The following PLEKHH2 variants were observed in gnomAD, a reference collection of about 807,000 sequenced individuals.
PLEKHH2 encodes pleckstrin homology, MyTH4 and FERM domain containing H2, also known as pleckstrin homology domain-containing family H member 2.
Under a neutral mutation model 187.9 loss-of-function variants are expected in PLEKHH2, and 129 were observed. That is an observed-to-expected ratio of 0.69 (90% CI 0.59 to 0.79). PLEKHH2 has a LOEUF of 0.79. PLEKHH2 is among the 30% of genes least tolerant of loss of function. The pLI is 0.00. For missense variants in PLEKHH2, 2,076 were observed against 1,751.2 expected (o/e 1.19, Z -3.31); for synonymous variants, 686 against 605.6 (o/e 1.13, Z -1.95).
At chr2:43,763,254 C>A (rs1220269129) in intron 28 of PLEKHH2, among the ~76,000 whole-genome samples, 1 of 152,168 alleles carries the variant, frequency 6.6e-6, no homozygotes, top group Non-Finnish European at 1.5e-5. Flanking sequence ...AGAAAACTAG[C>A]TCCCTAGCTC....
chr2:43,684,680 G>T (rs1389700368), intron 3 of PLEKHH2, among the ~76,000 whole-genome samples: 1 of 152,218 alleles, frequency 6.6e-6, no homozygotes, highest in Admixed American at 6.5e-5. Flanking sequence ...GTCTTGGTAA[G>T]TTTGACAGGA....
At chr2:43,638,517 C>T (rs963423566) in intron 1 of PLEKHH2, among the ~76,000 whole-genome samples, 1 of 152,154 alleles carries the variant, frequency 6.6e-6, no homozygotes, top group African/African-American at 2.4e-5. Context: ...TCAGTAAATA[C>T]TTCCAAAAAT....
chr2:43,682,185 C>G (rs1032480640), intron 3 of PLEKHH2, among the ~76,000 whole-genome samples: 1 of 152,182 alleles, frequency 6.6e-6, no homozygotes, highest in African/African-American at 2.4e-5. Flanking sequence ...ACCATCATCA[C>G]ACCAAAAAAT....
chr2:43,700,478 G>A lies in PLEKHH2; in HGVS notation c.1520G>A (p.Cys507Tyr), dbSNP rs766726189. 1 of 1,614,082 alleles carries A rather than the reference G, an allele frequency of 6.2e-7. No individual in the cohort carries two copies. The highest frequency in any genetic ancestry group is 1.7e-5 in the Admixed American group (1 of 60,010). Residue 507 changes from cysteine (C) to tyrosine (Y), a missense_variant, in exon 8 of 30, where the codon TGT (cysteine) becomes TAT (tyrosine). Coordinates refer to ENST00000282406, the MANE Select transcript of PLEKHH2 (RefSeq NM_172069.4). The part of the protein sequence containing the change: ...TEVLENMDTS[C>Y]DDGLFSYDSL... Reference sequence around the variant, plus strand: ...GTTTTAGAGAATATGGACACGAGTTGTGATGATGGATTATTTTCCTATGAC... The same window carrying A: ...GTTTTAGAGAATATGGACACGAGTTATGATGATGGATTATTTTCCTATGAC...
intron 9 of PLEKHH2, among the ~76,000 whole-genome samples, chr2:43,704,759 G>C (rs1282433394): frequency 6.7e-6 from 1 of 149,086 alleles, no homozygotes; most frequent in African/African-American, 2.5e-5. Flanking sequence ...GATTTGCATT[G>C]CTATTTCATT....
rs1038059620 is a variant in PLEKHH2, at chr2:43,740,872, C to T, written c.3124-74C>T. 31 of 1,567,332 alleles carry T rather than the reference C, an allele frequency of 2.0e-5. No homozygotes were observed. The South Asian group carries it at 3.2e-4, about 16-fold the overall frequency. On this transcript the variant is annotated intron_variant, in intron 20 of 29. Coordinates refer to ENST00000282406, the MANE Select transcript of PLEKHH2 (RefSeq NM_172069.4). ...TTGGGTTAAGAGAGACTGTCATCAG[C>T]CCATTGCACTCACTCAGATGTGGAT...
At chr2:43,745,993 TATGA>T (rs1671764506) in intron 24 of PLEKHH2, 30 bp downstream of exon 24, 1 of 1,447,302 alleles carries the variant, frequency 6.9e-7, no homozygotes, top group Admixed American at 1.8e-5. Context: ...GATGCCAAAG[TATGA>T]GTATACAATA....
At chr2:43,642,152 G>A (rs932882247) in intron 1 of PLEKHH2, among the ~76,000 whole-genome samples, 1 of 152,060 alleles carries the variant, frequency 6.6e-6, no homozygotes, top group African/African-American at 2.4e-5. Flanking sequence ...ATTTCTTTCA[G>A]TGATGTTTTG....
chr2:43,746,094 ACT>A, intron 24 of PLEKHH2, 131 bp downstream of exon 24: 1 of 531,620 alleles, frequency 1.9e-6, no homozygotes, highest in Non-Finnish European at 3.0e-6. Context: ...ATAAATGATA[ACT>A]CTGTTTCTAT....
rs1005007776 is a variant in PLEKHH2, at chr2:43,678,919, T to C, written c.180T>C (p.Phe60=). The C allele has an allele frequency of 1.2e-6, 2 of 1,608,240 alleles. No individual in the cohort carries two copies. The highest frequency in any genetic ancestry group is 4.5e-5 in the East Asian group (2 of 44,794). Residue 60 remains phenylalanine (F), a synonymous_variant, in exon 3 of 30, where the codon TTT becomes TTC. Coordinates refer to ENST00000282406, the MANE Select transcript of PLEKHH2 (RefSeq NM_172069.4). ...CTGAACGTCAAGCAGAAAAAGCTTT[T>C]CAACAGGTAGAGTATAATTTTACTT... ...IDAERQAEKA[F]QQVQVMEDKL...
Position 43,738,560 on chromosome 2 carries a change from TG to T in PLEKHH2, c.3123+41del. 2 of 1,504,042 alleles carry T rather than the reference TG, an allele frequency of 1.3e-6. 1 individual carries two copies. Among genetic ancestry groups the T allele is most frequent in the South Asian group, 2.6e-5 (2 of 76,612 alleles). 93.2% of individuals were successfully genotyped at this position (1,504,042 alleles called of 1,614,324 possible). ...TGATACATATACATGCAATTTAAAG[TG>T]TTTTTTTTTCTGATTGTAAGAATGA... On this transcript the variant is annotated intron_variant, in intron 20 of 29. Transcript: ENST00000282406.
intron 25 of PLEKHH2, among the ~76,000 whole-genome samples, chr2:43,754,262 G>A (rs1049148448): frequency 2.6e-5 from 4 of 151,888 alleles, no homozygotes; most frequent in Non-Finnish European, 4.4e-5. Flanking sequence ...CATAGAGAGC[G>A]AGGCATCCTG....
intron 9 of PLEKHH2, 107 bp from the exon 10 acceptor site, chr2:43,706,215 C>G (rs9678037): frequency 0.14 from 114,078 of 788,908 alleles, 8,757 homozygotes; most frequent in Middle Eastern, 0.2. Context: ...ATGTATTAAT[C>G]GAATTGCTTT....
At position 43,766,354 on chromosome 2, in the gene PLEKHH2, T is replaced by C. The variant is rs960839217; in HGVS notation, c.*756T>C. On this transcript the variant is annotated 3_prime_UTR_variant, in exon 30 of 30. Transcript: ENST00000282406. ...CACTGTATTTGGTGCTGGGTCATTT[T>C]GACCTTGCTTTGTTAATAATATCTT... is the stretch of plus-strand genomic sequence containing the variant. The C allele has an allele frequency of 6.5e-6, 1 of 152,824 alleles. No individual in the cohort carries two copies. Among genetic ancestry groups the C allele is most frequent in the African/African-American group, 2.4e-5 (1 of 41,466 alleles). The allele number at this position is 152,824 out of a possible 1,614,324, so 9.5% of individuals were successfully genotyped here.
At position 43,755,843 on chromosome 2, in the gene PLEKHH2, C is replaced by T. The variant is rs1345913918; in HGVS notation, c.3796-1276C>T. 3.9e-5 allele frequency among the ~76,000 whole-genome samples: 6 copies of T among 152,136 alleles called. 1 individual carries two copies. The highest frequency in any genetic ancestry group is 8.8e-5 in the Non-Finnish European group (6 of 68,028). On this transcript the variant is annotated intron_variant, in intron 25 of 29. Transcript: ENST00000282406. ...AAGAATGGTGAATGGGTGACAGCAA[C>T]AATGTCCCAGAAGATAGACAAGAAG...
chr2:43,725,797 G>T (rs553472148), intron 16 of PLEKHH2, among the ~76,000 whole-genome samples: 221 of 152,208 alleles, frequency 1.5e-3, no homozygotes, highest in Non-Finnish European at 2.5e-3. Context: ...TAATCAAATT[G>T]CCTCTAGGCA....
chr2:43,761,471 C>T (rs908228831), intron 27 of PLEKHH2, among the ~76,000 whole-genome samples: 1 of 145,198 alleles, frequency 6.9e-6, no homozygotes, highest in Admixed American at 7.1e-5. Flanking sequence ...AGTGCAGTGG[C>T]ACTATCTCAG....
chr2:43,655,127 G>A (rs1413862512), intron 2 of PLEKHH2, among the ~76,000 whole-genome samples: 3 of 152,104 alleles, frequency 2.0e-5, no homozygotes, highest in Admixed American at 2.0e-4. Flanking sequence ...GATCGCCTGA[G>A]CCCAGAAGTT....
intron 2 of PLEKHH2, chr2:43,675,554 A>C: frequency 1.9e-6 from 3 of 1,613,952 alleles, no homozygotes; most frequent in South Asian, 1.1e-5. Context: ...GGGTTATTAG[A>C]CAATGCCTCT....
Sources: gnomAD v4.1 joint callset for allele counts (sites outside exome capture counted in the v4.1 genomes callset) on GRCh38, gnomAD v4.1.1 for gene constraint, MANE v1.5 for transcripts, NCBI Gene and HGNC (gene_info 2026-07-23, HGNC 2026-07-21) for gene names.